DNAH10: variants seen among roughly 807,000 people sequenced by gnomAD.
DNAH10 encodes axonemal beta dynein heavy chain 10.
DNAH10 carries 348 observed loss-of-function variants against 506.6 expected under a neutral mutation model. That is an observed-to-expected ratio of 0.69 (90% CI 0.63 to 0.75). The LOEUF (loss-of-function observed/expected upper bound fraction) is 0.75. DNAH10 is among the 30% of genes least tolerant of loss of function. The pLI is 0.00. For synonymous variants in DNAH10, 2,059 were observed against 2,198.6 expected (o/e 0.94, Z 1.78); for missense variants, 5,179 against 5,787.1 (o/e 0.89, Z 3.41).
chr12:123,883,144 T>A (rs1952583777), intron 51 of DNAH10, among the ~76,000 whole-genome samples: 1 of 152,384 alleles, frequency 6.6e-6, no homozygotes, highest in Non-Finnish European at 1.5e-5. Flanking sequence ...TTCCACCTGT[T>A]GGCTTTTGTG....
chr12:123,861,092 C>T lies in DNAH10; in HGVS notation c.6830C>T (p.Thr2277Ile). The T allele has an allele frequency of 6.2e-7, 1 of 1,613,902 alleles. No homozygotes were observed. The highest frequency in any genetic ancestry group is 1.1e-5 in the South Asian group (1 of 91,068). ...VIELYGILDP[T>I]TRDWTDGVLS... ...GAACTCTACGGCATCCTGGACCCAA[C>T]CACCCGAGACTGGACAGATGGGGTG... Residue 2277 changes from threonine (T) to isoleucine (I), a missense_variant, in exon 39 of 79, where the codon ACC becomes ATC. Thr to Ile is a moderately conservative substitution (Grantham distance 89). Coordinates refer to ENST00000673944, the MANE Select transcript of DNAH10 (RefSeq NM_001372106.1).
At chr12:123,852,307 CAT>C (rs1243179708) in intron 35 of DNAH10, among the ~76,000 whole-genome samples, 1 of 152,174 alleles carries the variant, frequency 6.6e-6, no homozygotes, top group Non-Finnish European at 1.5e-5. Context: ...ATAAAATGTA[CAT>C]ACGTAAGATC....
chr12:123,875,613 A>G, intron 47 of DNAH10, 122 bp downstream of exon 47: 1 of 1,196,034 alleles, frequency 8.4e-7, no homozygotes, highest in Non-Finnish European at 1.2e-6. Flanking sequence ...TTAAGGGCCT[A>G]TGAAAATGTT....
intron 7 of DNAH10, 22 bp from the exon 8 acceptor site, chr12:123,783,925 G>C: frequency 1.9e-6 from 3 of 1,601,068 alleles, no homozygotes; most frequent in Non-Finnish European, 2.6e-6. Flanking sequence ...AGAGTTCTTT[G>C]TGTGTTCATT....
intron 1 of DNAH10, among the ~76,000 whole-genome samples, chr12:123,766,438 T>G (rs1345512047): frequency 6.6e-6 from 1 of 152,196 alleles, no homozygotes; most frequent in Non-Finnish European, 1.5e-5. Context: ...ACATATTATT[T>G]TGTGACTTCT....
intron 65 of DNAH10, chr12:123,922,968 A>G (rs998630793): frequency 6.6e-6 from 1 of 152,246 alleles, no homozygotes; most frequent in Non-Finnish European, 1.5e-5. Context: ...GTTGGGCAGA[A>G]AAGAGATTGT....
At chr12:123,827,308 A>C (rs962075487) in intron 25 of DNAH10, among the ~76,000 whole-genome samples, 5 of 152,268 alleles carry the variant, frequency 3.3e-5, no homozygotes, top group African/African-American at 7.2e-5. Context: ...TAATTAACTC[A>C]ATATATCCCA....
chr12:123,842,012 C>T (rs562910385), intron 30 of DNAH10, among the ~76,000 whole-genome samples: 2 of 152,288 alleles, frequency 1.3e-5, no homozygotes, highest in Admixed American at 1.3e-4. Flanking sequence ...GCTGCCAAAG[C>T]GAGCACAAGA....
intron 5 of DNAH10, among the ~76,000 whole-genome samples, chr12:123,778,448 A>G (rs1231234106): frequency 1.3e-5 from 2 of 152,186 alleles, no homozygotes; most frequent in Admixed American, 6.5e-5. Flanking sequence ...TAATCCCAGC[A>G]CTTTGGGAGG....
In DNAH10 at chr12:123,787,861, G is replaced by T. The variant is rs1445045356; in HGVS notation, c.1479G>T (p.Leu493=). 6.2e-7 allele frequency: 1 copy of T among 1,613,930 alleles called. No homozygotes were observed. Among genetic ancestry groups the T allele is most frequent in the Non-Finnish European group, 8.5e-7 (1 of 1,180,002 alleles). Reference sequence around the variant, plus strand: ...TGGAAGCCAGGAACACCCTCAGGCTGTGGAAAAAGGCCTATTTTGACACCC... The same window carrying T: ...TGGAAGCCAGGAACACCCTCAGGCTTTGGAAAAAGGCCTATTTTGACACCC... ...KTLEARNTLR[L]WKKAYFDTRA... Residue 493 remains leucine, a synonymous_variant, in exon 10 of 79, where the codon CTG becomes CTT. Coordinates refer to ENST00000673944, the MANE Select transcript of DNAH10 (RefSeq NM_001372106.1). The surrounding 1 kb of genome is among the most constrained non-coding windows in gnomAD (Gnocchi z 4.6).
rs1428877677 is a variant in DNAH10, at chr12:123,893,361, G to A, written c.9124G>A (p.Ala3042Thr). ...GTGGCAGTACTTCGTGAACAAAAGT[G>A]CAAATAACCTGCACATTGTCCTGGG... Reference protein sequence around the residue: ...SVWQYFVNKSANNLHIVLGMS... With the variant: ...SVWQYFVNKSTNNLHIVLGMS... Residue 3042 changes from alanine to threonine, a missense_variant, in exon 53 of 79, where the codon GCA (alanine) becomes ACA (threonine). Physicochemically the swap from Ala to Thr is moderately conservative, Grantham distance 58 (BLOSUM62 0). Coordinates refer to ENST00000673944, the MANE Select transcript of DNAH10 (RefSeq NM_001372106.1). 2 of 1,614,014 alleles carry A rather than the reference G, an allele frequency of 1.2e-6. No homozygotes were observed. The highest frequency in any genetic ancestry group is 1.7e-6 in the Non-Finnish European group (2 of 1,179,898).
intron 39 of DNAH10, among the ~76,000 whole-genome samples, chr12:123,862,942 C>A (rs1337987248): frequency 1.3e-5 from 2 of 151,862 alleles, no homozygotes; most frequent in South Asian, 4.1e-4. Context: ...AGAGAGAGTG[C>A]GAATGTGGCA....
In DNAH10 at chr12:123,835,386, G is replaced by A. The variant is rs1961028208; in HGVS notation, c.4780-20G>A. 1 of 1,611,520 alleles carries A rather than the reference G, an allele frequency of 6.2e-7. No individual in the cohort carries two copies. The highest frequency in any genetic ancestry group is 8.5e-7 in the Non-Finnish European group (1 of 1,178,858). ...GTATCTGATAACCCCTGCTGACACT[G>A]ACCTTTTGTACATTTACAGATTTGG... On this transcript the variant is annotated intron_variant, in intron 27 of 78. Coordinates refer to ENST00000673944, the MANE Select transcript of DNAH10 (RefSeq NM_001372106.1).
intron 4 of DNAH10, 29 bp from the exon 5 acceptor site, chr12:123,774,119 AC>A (rs1305821085): frequency 1.4e-6 from 2 of 1,458,802 alleles, no homozygotes; most frequent in Admixed American, 2.1e-5. Context: ...TCTCCCACTG[AC>A]CTTACATTCT....
At chr12:123,796,344 C>A (rs143317672) in intron 12 of DNAH10, among the ~76,000 whole-genome samples, 113 of 152,122 alleles carry the variant, frequency 7.4e-4, no homozygotes, top group African/African-American at 2.5e-3. Context: ...GTAATCCCAG[C>A]TACTTGGGAG....
rs774825941 is a variant in DNAH10 at position 123,835,470 on chromosome 12, G to A, written c.4844G>A (p.Arg1615Lys). The change falls in exon 28 of 79, where the codon AGA becomes AAA. Residue 1615 changes from arginine (R) to lysine (K), a missense_variant. Coordinates refer to ENST00000673944, the MANE Select transcript of DNAH10 (RefSeq NM_001372106.1). Reference protein sequence around the residue: ...LESIFIGGDIRSQLPEEAKKF... With the variant: ...LESIFIGGDIKSQLPEEAKKF... ...AGTATTTTTATTGGTGGAGATATAA[G>A]ATCACAACTTCCGGAAGAGGCAAAA... is the stretch of plus-strand genomic sequence containing the variant. 1 of 1,609,032 alleles carries A rather than the reference G, an allele frequency of 6.2e-7. No homozygotes were observed. Among genetic ancestry groups the A allele is most frequent in the East Asian group, 2.2e-5 (1 of 44,840 alleles).
Position 123,934,784 on chromosome 12 carries a change from T to G in DNAH10, c.13623+18T>G. On this transcript the variant is annotated intron_variant, in intron 78 of 78. Transcript: ENST00000673944. Reference sequence around the variant, plus strand: ...AGCTGCAGGTGAAGGTCCCAGCCCCTCCTCTCTGACACCAGGGCCCTTCCT... The same window carrying G: ...AGCTGCAGGTGAAGGTCCCAGCCCCGCCTCTCTGACACCAGGGCCCTTCCT... 1 of 1,612,780 alleles carries G rather than the reference T, an allele frequency of 6.2e-7. No individual in the cohort carries two copies. Among genetic ancestry groups the G allele is most frequent in the African/African-American group, 1.3e-5 (1 of 75,024 alleles).
intron 50 of DNAH10, among the ~76,000 whole-genome samples, chr12:123,880,215 C>A (rs1278927341): frequency 3.3e-5 from 5 of 152,096 alleles, no homozygotes; most frequent in Non-Finnish European, 7.4e-5. Flanking sequence ...TCCTGGAGAC[C>A]CAAGCAGTTT....
At chr12:123,803,159 C>T (rs1958536043) in intron 16 of DNAH10, among the ~76,000 whole-genome samples, 1 of 152,058 alleles carries the variant, frequency 6.6e-6, no homozygotes, top group Admixed American at 6.5e-5. Context: ...TTTTTTCTCT[C>T]CTTGTGTTTT....
Sources: gnomAD v4.1 joint callset for allele counts (sites outside exome capture counted in the v4.1 genomes callset) on GRCh38, gnomAD v4.1.1 for gene constraint, Gnocchi (gnomAD v3.1) non-coding constraint, MANE v1.5 for transcripts, NCBI Gene and HGNC (gene_info 2026-07-23, HGNC 2026-07-21) for gene names.